RPS6KA2: variants seen among roughly 807,000 people sequenced by gnomAD.
RPS6KA2 encodes ribosomal protein S6 kinase alpha-2.
In RPS6KA2, 42 loss-of-function variants were observed where a neutral mutation model predicts 91.8. That is an observed-to-expected ratio of 0.46 (90% CI 0.36 to 0.59). RPS6KA2 has a LOEUF of 0.59. RPS6KA2 is among the 20% of genes least tolerant of loss of function. The probability of loss-of-function intolerance (pLI) is 0.00; values close to 1 mark genes in which losing one functional copy is unlikely to be tolerated. For synonymous variants in RPS6KA2, 414 were observed against 393.6 expected (o/e 1.05, Z -0.61); for missense variants, 798 against 978.5 (o/e 0.82, Z 2.46).
chr6:166,800,503 G>A (rs1779340420), intron 2 of RPS6KA2, among the ~76,000 whole-genome samples: 1 of 152,214 alleles, frequency 6.6e-6, no homozygotes, highest in African/African-American at 2.4e-5. Flanking sequence ...AATGGGACTA[G>A]TGGACCTTAC....
chr6:166,839,991 C>A (rs551968610), intron 2 of RPS6KA2, among the ~76,000 whole-genome samples: 1 of 132,570 alleles, frequency 7.5e-6, no homozygotes, highest in East Asian at 2.2e-4. Context: ...TAGTATTATT[C>A]CATATATATA....
In RPS6KA2 at chr6:166,666,382, A is replaced by G. The variant is rs551204080; in HGVS notation, c.124-127598T>C. On this transcript the variant is annotated intron_variant, in intron 2 of 21. Coordinates refer to the RPS6KA2 transcript ENST00000503859. This position sits in a 1 kb window ranked among gnomAD's most constrained non-coding sequence, Gnocchi z 4.0. ...AGGTACTCAGATCCTGACATTTGTCAGTTGTGTCAAAATGCTAGAAAGTAC... is the reference window on the plus strand; with the variant it reads ...AGGTACTCAGATCCTGACATTTGTCGGTTGTGTCAAAATGCTAGAAAGTAC... Among the ~76,000 whole-genome samples the G allele has an allele frequency of 5.9e-5, 9 of 152,346 alleles. No individual in the cohort carries two copies. The highest frequency in any genetic ancestry group is 2.2e-4 in the African/African-American group (9 of 41,586).
rs937299826 is a variant in RPS6KA2 at position 166,419,497 on chromosome 6, G to A, written c.1820+385C>T. ...CATGACTCATGACCACGAAACCCAG[G>A]TACAGATGCTGTTTGACCCTGAAGC... On this transcript the variant is annotated intron_variant, in intron 18 of 20. Transcript: ENST00000265678. This position sits in a 1 kb window ranked among gnomAD's most constrained non-coding sequence, Gnocchi z 5.6. Among the ~76,000 whole-genome samples the A allele has an allele frequency of 2.0e-5, 3 of 152,240 alleles. No individual in the cohort carries two copies. Among genetic ancestry groups the A allele is most frequent in the African/African-American group, 7.2e-5 (3 of 41,464 alleles).
chr6:166,751,907 A>G (rs73788121), intron 2 of RPS6KA2, among the ~76,000 whole-genome samples: 2,057 of 152,244 alleles, frequency 0.014, 36 homozygotes, highest in African/African-American at 0.047. Context: ...CAGAAGCCAG[A>G]CGCTGTGGAA....
rs184737768 is a variant in RPS6KA2, at chr6:166,642,061, C to T, written c.124-103277G>A. Among the ~76,000 whole-genome samples the T allele has an allele frequency of 5.3e-5, 8 of 151,854 alleles. No homozygotes were observed. The East Asian group carries it at 1.2e-3, about 22-fold the overall frequency. ...TATTTATAAAGACCCCCAAAATCCC[C>T]AGGAGGATTCAATGAAAAGAAAATG... is the stretch of plus-strand genomic sequence containing the variant. On this transcript the variant is annotated intron_variant, in intron 2 of 21. Coordinates refer to the RPS6KA2 transcript ENST00000503859.
intron 2 of RPS6KA2, among the ~76,000 whole-genome samples, chr6:166,706,891 G>A (rs1222351209): frequency 6.6e-6 from 1 of 152,182 alleles, no homozygotes; most frequent in Non-Finnish European, 1.5e-5. Context: ...AGAGTTCCTT[G>A]AATAGTAGTA....
intron 2 of RPS6KA2, among the ~76,000 whole-genome samples, chr6:166,717,065 G>A (rs1403653870): frequency 6.6e-6 from 1 of 152,174 alleles, no homozygotes; most frequent in African/African-American, 2.4e-5. Context: ...GACACATGTG[G>A]GAGGGAGATC....
rs371675989 is a variant in RPS6KA2 at position 166,431,221 on chromosome 6, C to T, written c.1423-610G>A. 2.0e-5 allele frequency among the ~76,000 whole-genome samples: 3 copies of T among 152,268 alleles called. No homozygotes were observed. In the East Asian group the frequency reaches 5.8e-4, roughly 29 times the overall value. ...GGGATTACAGGCGTGAGCCATAGTG[C>T]CTGGCCTGCCAGGAGATATTTAGAC... is the stretch of plus-strand genomic sequence containing the variant. On this transcript the variant is annotated intron_variant, in intron 15 of 20. Transcript: ENST00000265678.
rs182551234 is a variant in RPS6KA2, at chr6:166,728,408, C to T, written c.123+129792G>A. Among the ~76,000 whole-genome samples, 33 of 152,304 alleles carry T rather than the reference C, an allele frequency of 2.2e-4. 2 individuals are homozygous for T. The highest frequency in any genetic ancestry group is 2.1e-3 in the Admixed American group (32 of 15,304). ...AGCTTCCAGGGTAAGAAACTGCTGT[C>T]CCAGGGAGCGTTGCAGTGGATAAAA... On this transcript the variant is annotated intron_variant, in intron 2 of 21. Coordinates refer to the RPS6KA2 transcript ENST00000503859.
chr6:166,723,450 G>T (rs996725906), intron 2 of RPS6KA2, among the ~76,000 whole-genome samples: 1 of 151,950 alleles, frequency 6.6e-6, no homozygotes, highest in Non-Finnish European at 1.5e-5. Context: ...ACCCCAGGGG[G>T]GTCCCACATG....
At chr6:166,587,905 C>A (rs1219958788) in intron 1 of RPS6KA2, among the ~76,000 whole-genome samples, 1 of 152,170 alleles carries the variant, frequency 6.6e-6, no homozygotes, top group Non-Finnish European at 1.5e-5. Context: ...GAGAGTGAGA[C>A]CCTGCGCCCT....
chr6:166,822,044 C>T (rs533224133), intron 2 of RPS6KA2, among the ~76,000 whole-genome samples: 18 of 152,322 alleles, frequency 1.2e-4, no homozygotes, highest in East Asian at 5.8e-4. Flanking sequence ...TCACCATGGA[C>T]GCTGCTCGCG....
rs142309784 is a variant in RPS6KA2, at chr6:166,800,793, C to T, written c.123+57407G>A. ...TAAACACCATTATCCTCAACTCAATCGTTTCCTTAACTCAAGGAAGATACC... is the reference window on the plus strand; with the variant it reads ...TAAACACCATTATCCTCAACTCAATTGTTTCCTTAACTCAAGGAAGATACC... On this transcript the variant is annotated intron_variant, in intron 2 of 21. Transcript: ENST00000503859. Among the ~76,000 whole-genome samples, 9 of 152,314 alleles carry T rather than the reference C, an allele frequency of 5.9e-5. No homozygotes were observed. In the East Asian group the frequency reaches 1.5e-3, roughly 26 times the overall value.
chr6:166,744,750 A>C lies in RPS6KA2; in HGVS notation c.123+113450T>G, dbSNP rs79215080. On this transcript the variant is annotated intron_variant, in intron 2 of 21. Transcript: ENST00000503859. ...GGCCTGGGCTTGGCTCTGGATTTAA[A>C]GCGGCACTCCACGTCCCTGGCGGCG... 5.3e-3 allele frequency among the ~76,000 whole-genome samples: 803 copies of C among 152,234 alleles called. 14 individuals carry two copies. The East Asian group carries it at 0.06, about 11-fold the overall frequency.
intron 12 of RPS6KA2, among the ~76,000 whole-genome samples, chr6:166,456,100 T>G (rs1780095341): frequency 6.6e-6 from 1 of 152,204 alleles, no homozygotes; most frequent in Non-Finnish European, 1.5e-5. Flanking sequence ...ATAAGCAATG[T>G]CTTCTAACCA....
rs535480844 is a variant in RPS6KA2 at position 166,421,264 on chromosome 6, G to T, written c.1744-1306C>A. ...AGTTGGTAAAAGTGCTTTGTAAATGGCAAAGGAATATCACAACCTAGGGCA... is the reference window on the plus strand; with the variant it reads ...AGTTGGTAAAAGTGCTTTGTAAATGTCAAAGGAATATCACAACCTAGGGCA... On this transcript the variant is annotated intron_variant, in intron 17 of 20. Transcript: ENST00000265678. 5.3e-5 allele frequency among the ~76,000 whole-genome samples: 8 copies of T among 152,284 alleles called. No individual in the cohort carries two copies. In the East Asian group the frequency reaches 1.5e-3, roughly 29 times the overall value.
intron 2 of RPS6KA2, among the ~76,000 whole-genome samples, chr6:166,703,842 C>T (rs891027537): frequency 2.6e-5 from 4 of 151,882 alleles, no homozygotes; most frequent in African/African-American, 9.7e-5. Flanking sequence ...GGGATTTTTT[C>T]CACTCAAGAA....
intron 2 of RPS6KA2, among the ~76,000 whole-genome samples, chr6:166,798,968 C>A (rs1779293733): frequency 6.6e-6 from 1 of 152,228 alleles, no homozygotes; most frequent in Non-Finnish European, 1.5e-5. Flanking sequence ...CTTTGCTTTC[C>A]ACAAAATTGA....
intron 2 of RPS6KA2, among the ~76,000 whole-genome samples, chr6:166,678,994 T>C (rs1376321231): frequency 6.6e-6 from 1 of 152,226 alleles, no homozygotes; most frequent in African/African-American, 2.4e-5. Flanking sequence ...TAAAACCGTA[T>C]TTGTTTACAA....
Sources: gnomAD v4.1 joint callset for allele counts (sites outside exome capture counted in the v4.1 genomes callset) on GRCh38, gnomAD v4.1.1 for gene constraint, Gnocchi (gnomAD v3.1) non-coding constraint, MANE v1.5 for transcripts, NCBI Gene and HGNC (gene_info 2026-07-23, HGNC 2026-07-21) for gene names.